Variants in NEGR1 observed in about 807,000 individuals in gnomAD.
The protein encoded by NEGR1 is IgLON family member 4.
A neutral mutation model predicts 40.9 loss-of-function variants in NEGR1; 10 were observed. The ratio of observed to expected loss-of-function variants is 0.24; its 90% CI spans 0.15 to 0.42. The LOEUF is 0.42. Among genes scored for constraint, NEGR1 ranks in the 10% least tolerant of loss-of-function variants. The pLI is 1.00. For missense variants in NEGR1, 352 were observed against 438.9 expected (o/e 0.80, Z 1.77); for synonymous variants, 185 against 166.8 (o/e 1.11, Z -0.84).
intron 2 of NEGR1, among the ~76,000 whole-genome samples, chr1:71,811,833 T>C (rs913664751): frequency 6.7e-6 from 1 of 150,238 alleles, no homozygotes; most frequent in African/African-American, 2.5e-5. Flanking sequence ...CCAGGTCTTT[T>C]GACTCAATAT....
At chr1:72,016,241 C>T (rs1440070225) in intron 1 of NEGR1, among the ~76,000 whole-genome samples, 2 of 151,984 alleles carry the variant, frequency 1.3e-5, no homozygotes, top group Non-Finnish European at 2.9e-5. Context: ...GTAAGAGGAA[C>T]CTGACATTTT....
At chr1:72,054,955 C>T (rs1647097138) in intron 1 of NEGR1, among the ~76,000 whole-genome samples, 1 of 151,048 alleles carries the variant, frequency 6.6e-6, no homozygotes, top group Admixed American at 6.6e-5. Flanking sequence ...TGTGCAAGCG[C>T]ATTCAATTTA....
chr1:71,416,464 T>G (rs1231070237), intron 6 of NEGR1, among the ~76,000 whole-genome samples: 1 of 152,148 alleles, frequency 6.6e-6, no homozygotes. Flanking sequence ...TACCTTTAAA[T>G]TTTGTCTGCT....
chr1:72,235,849 C>A (rs765322335), intron 1 of NEGR1, among the ~76,000 whole-genome samples: 1 of 151,836 alleles, frequency 6.6e-6, no homozygotes, highest in East Asian at 1.9e-4. Flanking sequence ...GCAAGGCATA[C>A]GATTTTAAGA....
rs571313293 is a variant in NEGR1 at position 71,971,480 on chromosome 1, C to T, written c.177-36169G>A. Among the ~76,000 whole-genome samples, 3 of 152,246 alleles carry T rather than the reference C, an allele frequency of 2.0e-5. No homozygotes were observed. In the East Asian group the frequency reaches 5.8e-4, roughly 29 times the overall value. ...ATTGATTGGGTTGTCACGTGAATTA[C>T]ATGAGATTATACACATGAAATATGT... On this transcript the variant is annotated intron_variant, in intron 1 of 6. Coordinates refer to ENST00000357731, the MANE Select transcript of NEGR1 (RefSeq NM_173808.3).
intron 3 of NEGR1, among the ~76,000 whole-genome samples, chr1:71,704,414 C>T (rs1249567199): frequency 2.0e-5 from 3 of 151,320 alleles, no homozygotes; most frequent in Non-Finnish European, 4.4e-5. Context: ...TAATAAAGAA[C>T]AAAAAGAGAT....
chr1:72,200,113 T>C (rs1653151310), intron 1 of NEGR1, among the ~76,000 whole-genome samples: 1 of 151,976 alleles, frequency 6.6e-6, no homozygotes, highest in African/African-American at 2.4e-5. Flanking sequence ...GAAAACAATG[T>C]GGAAGTTTCT....
chr1:72,094,561 C>G (rs1467968979), intron 1 of NEGR1, among the ~76,000 whole-genome samples: 1 of 152,164 alleles, frequency 6.6e-6, no homozygotes. Flanking sequence ...CACCTGGAAC[C>G]CTCCAATTCA....
intron 5 of NEGR1, among the ~76,000 whole-genome samples, chr1:71,603,006 A>G (rs191698652): frequency 9.8e-5 from 15 of 152,366 alleles, no homozygotes; most frequent in African/African-American, 3.4e-4. Context: ...TAAAAGAAAT[A>G]TAATCAAATG....
At chr1:71,552,883 C>T (rs1648133633) in intron 6 of NEGR1, among the ~76,000 whole-genome samples, 1 of 151,406 alleles carries the variant, frequency 6.6e-6, no homozygotes, top group African/African-American at 2.4e-5. Flanking sequence ...ACTGCCCAAT[C>T]CCTTGACAAT....
Position 71,933,455 on chromosome 1 carries a change from C to T in NEGR1, c.409+1624G>A, listed in dbSNP as rs80056480. 3.3e-5 allele frequency among the ~76,000 whole-genome samples: 5 copies of T among 152,088 alleles called. No homozygotes were observed. In the East Asian group the frequency reaches 9.6e-4, roughly 29 times the overall value. ...CCAAATGTCTGTGTCTTAAGTAACTCGAACATATTATTGTTCAAGTATACT... is the reference window on the plus strand; with the variant it reads ...CCAAATGTCTGTGTCTTAAGTAACTTGAACATATTATTGTTCAAGTATACT... On this transcript the variant is annotated intron_variant, in intron 2 of 6. Coordinates refer to ENST00000357731, the MANE Select transcript of NEGR1 (RefSeq NM_173808.3).
intron 1 of NEGR1, among the ~76,000 whole-genome samples, chr1:72,223,290 A>G (rs918675593): frequency 3.3e-5 from 5 of 152,180 alleles, no homozygotes; most frequent in Non-Finnish European, 7.3e-5. Context: ...GTAGGCAGCA[A>G]TATAACTGGA....
At chr1:72,206,699 T>C (rs1653412018) in intron 1 of NEGR1, among the ~76,000 whole-genome samples, 1 of 152,116 alleles carries the variant, frequency 6.6e-6, no homozygotes, top group African/African-American at 2.4e-5. Context: ...TGACCTCAAG[T>C]TGCATTTCAT....
At chr1:71,860,926 A>G (rs1261457067) in intron 2 of NEGR1, among the ~76,000 whole-genome samples, 2 of 152,016 alleles carry the variant, frequency 1.3e-5, no homozygotes, top group African/African-American at 4.8e-5. Context: ...AAGTTAAAAT[A>G]GTATAATTGG....
chr1:71,733,924 T>A (rs568424795), intron 3 of NEGR1, among the ~76,000 whole-genome samples: 20 of 152,340 alleles, frequency 1.3e-4, no homozygotes, highest in African/African-American at 4.8e-4. Flanking sequence ...TTGAAACTTC[T>A]CAACATTGGA....
intron 1 of NEGR1, among the ~76,000 whole-genome samples, chr1:71,991,819 C>A (rs896383577): frequency 1.3e-5 from 2 of 152,068 alleles, no homozygotes. Context: ...TGAGACAGAG[C>A]CTTGCTCTGT....
At chr1:71,733,620 A>G (rs567765281) in intron 3 of NEGR1, among the ~76,000 whole-genome samples, 13 of 152,276 alleles carry the variant, frequency 8.5e-5, no homozygotes, top group African/African-American at 2.9e-4. Context: ...TTTCCAATAA[A>G]GGAAAAATTA....
chr1:71,690,296 T>C (rs994873311), intron 4 of NEGR1, among the ~76,000 whole-genome samples: 21 of 152,128 alleles, frequency 1.4e-4, no homozygotes, highest in African/African-American at 4.6e-4. Context: ...ATTCAATCCA[T>C]AAATTATCTT....
At chr1:71,415,004 G>C (rs1022004823) in intron 6 of NEGR1, among the ~76,000 whole-genome samples, 1 of 152,094 alleles carries the variant, frequency 6.6e-6, no homozygotes, top group Non-Finnish European at 1.5e-5. Context: ...CTGTCAGTCA[G>C]CTTTCCCGTT....
Sources: gnomAD v4.1 joint callset for allele counts (sites outside exome capture counted in the v4.1 genomes callset) on GRCh38, gnomAD v4.1.1 for gene constraint, MANE v1.5 for transcripts, NCBI Gene and HGNC (gene_info 2026-07-23, HGNC 2026-07-21) for gene names.